Variants in TLK1 observed in about 807,000 individuals in gnomAD.
TLK1 encodes tousled like kinase 1.
In TLK1, 24 loss-of-function variants were observed where a neutral mutation model predicts 105.3. The observed-to-expected ratio is 0.23, with a 90% CI of 0.17 to 0.32. The LOEUF is 0.32. Ranked by LOEUF, TLK1 falls within the 10% of genes least tolerant of loss-of-function variation. TLK1 has a pLI of 1.00. For synonymous variants in TLK1, 321 were observed against 310.4 expected (o/e 1.03, Z -0.36); for missense variants, 558 against 910.5 (o/e 0.61, Z 4.98).
intron 11 of TLK1, among the ~76,000 whole-genome samples, chr2:171,035,294 ATC>A (rs775953632): frequency 6.6e-6 from 1 of 152,016 alleles, no homozygotes; most frequent in Admixed American, 6.6e-5. Flanking sequence ...GTGAGCCGAG[ATC>A]TTGACACTGT....
At chr2:171,172,444 C>T (rs948463130) in intron 1 of TLK1, among the ~76,000 whole-genome samples, 2 of 152,146 alleles carry the variant, frequency 1.3e-5, no homozygotes, top group African/African-American at 4.8e-5. Flanking sequence ...AGACACACCA[C>T]ACACACAATA....
At chr2:171,144,569 A>G (rs1691717665) in intron 1 of TLK1, among the ~76,000 whole-genome samples, 1 of 152,208 alleles carries the variant, frequency 6.6e-6, no homozygotes, top group African/African-American at 2.4e-5. Context: ...TCCTAAATAA[A>G]TAATGGGTCA....
chr2:171,226,030 C>A (rs576506010), intron 1 of TLK1, among the ~76,000 whole-genome samples: 53 of 152,130 alleles, frequency 3.5e-4, no homozygotes, highest in African/African-American at 1.3e-3. Flanking sequence ...TCTCTCACCA[C>A]CCCCCTAATA....
chr2:171,153,438 A>G (rs1692118743), intron 1 of TLK1, among the ~76,000 whole-genome samples: 1 of 152,256 alleles, frequency 6.6e-6, no homozygotes, highest in Non-Finnish European at 1.5e-5. Context: ...TGTGCATACC[A>G]TGATATATAG....
At chr2:171,200,922 C>T (rs1318766659) in intron 1 of TLK1, among the ~76,000 whole-genome samples, 1 of 149,980 alleles carries the variant, frequency 6.7e-6, no homozygotes. Context: ...CTCTCTGTAG[C>T]CCAGGCTGGA....
intron 1 of TLK1, among the ~76,000 whole-genome samples, chr2:171,173,559 T>G (rs1317782372): frequency 6.6e-6 from 1 of 152,008 alleles, no homozygotes; most frequent in African/African-American, 2.4e-5. Context: ...AGCTAATTTT[T>G]TTTTCTTTTT....
chr2:171,053,041 G>A (rs988939564), intron 8 of TLK1, among the ~76,000 whole-genome samples: 3 of 152,156 alleles, frequency 2.0e-5, no homozygotes, highest in African/African-American at 7.2e-5. Flanking sequence ...GGTAAGAACT[G>A]CTGCTTTAAA....
Position 171,200,415 on chromosome 2 carries a change from G to A in TLK1, c.-6+30730C>T, listed in dbSNP as rs374177575. On this transcript the variant is annotated intron_variant, in intron 1 of 20. Transcript: ENST00000521943. ...ATCATATGACTATCTGGAAGCCATGGTTCCTTTCTTTGAACTGTTAGAATG... is the reference window on the plus strand; with the variant it reads ...ATCATATGACTATCTGGAAGCCATGATTCCTTTCTTTGAACTGTTAGAATG... Among the ~76,000 whole-genome samples, 22 of 152,270 alleles carry A rather than the reference G, an allele frequency of 1.4e-4. No individual in the cohort carries two copies. The South Asian group carries it at 4.6e-3, about 32-fold the overall frequency.
intron 4 of TLK1, chr2:171,060,121 G>A: frequency 7.2e-7 from 1 of 1,390,532 alleles, no homozygotes; most frequent in Non-Finnish European, 9.6e-7. Flanking sequence ...AACAATTTAG[G>A]CAACCATCCT....
upstream of TLK1, among the ~76,000 whole-genome samples, chr2:171,162,245 G>C (rs1400027589): frequency 6.6e-6 from 1 of 152,192 alleles, no homozygotes; most frequent in African/African-American, 2.4e-5. Flanking sequence ...CATATTTAAA[G>C]TGTACAATTA....
At chr2:171,145,198 C>T (rs1340282455) in intron 1 of TLK1, among the ~76,000 whole-genome samples, 1 of 151,940 alleles carries the variant, frequency 6.6e-6, no homozygotes, top group Non-Finnish European at 1.5e-5. Flanking sequence ...GTCCTAGCTA[C>T]TGGAAAGGCT....
chr2:171,038,502 T>C, intron 11 of TLK1, among the ~76,000 whole-genome samples: 1 of 152,208 alleles, frequency 6.6e-6, no homozygotes, highest in East Asian at 1.9e-4. Context: ...AATTTTGTTA[T>C]GTAGCACTTT....
At chr2:171,112,108 T>C (rs1690202494) in intron 2 of TLK1, among the ~76,000 whole-genome samples, 2 of 152,140 alleles carry the variant, frequency 1.3e-5, no homozygotes, top group South Asian at 2.1e-4. Context: ...AACGCCACCA[T>C]GCCCAGCTAA....
chr2:171,157,392 C>G (rs539976405), intron 1 of TLK1, among the ~76,000 whole-genome samples: 16 of 152,148 alleles, frequency 1.1e-4, no homozygotes, highest in African/African-American at 3.9e-4. Context: ...TTATAGAAGA[C>G]AAAATGGGAT....
chr2:171,003,272 T>TA (rs1684479717), intron 18 of TLK1, among the ~76,000 whole-genome samples: 1 of 14,320 alleles, frequency 7.0e-5, no homozygotes, highest in African/African-American at 4.5e-4. Context: ...AGACTCCGTC[T>TA]CAAAAAAAAA....
chr2:171,230,908 C>T (rs375242528), intron 1 of TLK1, among the ~76,000 whole-genome samples: 7 of 152,032 alleles, frequency 4.6e-5, no homozygotes, highest in East Asian at 3.8e-4. Flanking sequence ...CAAGTGTACC[C>T]GTATATCTGG....
intron 12 of TLK1, among the ~76,000 whole-genome samples, chr2:171,022,442 C>A (rs548824782): frequency 8.1e-4 from 123 of 151,678 alleles, no homozygotes; most frequent in South Asian, 5.0e-3. Context: ...ACACACACAC[C>A]TCCCTCCAAG....
chr2:171,010,746 T>C (rs1684878111), intron 14 of TLK1, among the ~76,000 whole-genome samples: 1 of 152,124 alleles, frequency 6.6e-6, no homozygotes, highest in African/African-American at 2.4e-5. Flanking sequence ...ATTCAGGACA[T>C]GTTAATACTT....
At chr2:171,029,127 G>A (rs1463791226) in intron 11 of TLK1, among the ~76,000 whole-genome samples, 1 of 152,172 alleles carries the variant, frequency 6.6e-6, no homozygotes, top group Non-Finnish European at 1.5e-5. Flanking sequence ...GGAGAAGCAA[G>A]CTGGGGAGAC....
Sources: allele counts gnomAD v4.1 joint callset (sites outside exome capture counted in the v4.1 genomes callset), GRCh38; gene constraint gnomAD v4.1.1; transcripts MANE v1.5; gene names NCBI Gene and HGNC (gene_info 2026-07-23, HGNC 2026-07-21).